RARS2: variants seen among roughly 807,000 people sequenced by gnomAD.
The protein encoded by RARS2 is arginyl-tRNA synthetase 2, mitochondrial.
In RARS2, 67 loss-of-function variants were observed where a neutral mutation model predicts 88.5. That is an observed-to-expected ratio of 0.76 (90% CI 0.62 to 0.93). The LOEUF is 0.93. Ranked by LOEUF, RARS2 falls within the 40% of genes least tolerant of loss-of-function variation. RARS2 has a pLI of 0.00. For synonymous variants in RARS2, 239 were observed against 230.3 expected (o/e 1.04, Z -0.34); for missense variants, 664 against 684.2 (o/e 0.97, Z 0.33).
At chr6:87,531,250 G>A (rs114798097) in intron 8 of RARS2, among the ~76,000 whole-genome samples, 263 of 152,226 alleles carry the variant, frequency 1.7e-3, no homozygotes, top group African/African-American at 6.1e-3. Flanking sequence ...CTCAATTTCC[G>A]AGAGAGGTCA....
chr6:87,550,969 T>C (rs913491739), intron 5 of RARS2, among the ~76,000 whole-genome samples: 4 of 152,116 alleles, frequency 2.6e-5, no homozygotes, highest in African/African-American at 9.7e-5. Context: ...TTTCATTAAA[T>C]ATCTCTTTGT....
intron 1 of RARS2, chr6:87,584,792 T>G (rs1168547087): frequency 2.2e-6 from 1 of 449,290 alleles, no homozygotes. Flanking sequence ...GATGAATCCT[T>G]GTGCAGTTAT....
intron 1 of RARS2, among the ~76,000 whole-genome samples, chr6:87,574,074 C>T (rs969490765): frequency 6.6e-6 from 1 of 152,190 alleles, no homozygotes; most frequent in Admixed American, 6.5e-5. Flanking sequence ...CTAAGAGATG[C>T]TGCCCAAGCT....
intron 17 of RARS2, among the ~76,000 whole-genome samples, chr6:87,517,598 T>C (rs940228078): frequency 6.6e-6 from 1 of 152,220 alleles, no homozygotes; most frequent in African/African-American, 2.4e-5. Flanking sequence ...CTGACTACTA[T>C]ATGGCAATCA....
At chr6:87,542,083 C>T (rs1582511149) in intron 7 of RARS2, 89 bp from the exon 8 acceptor site, 1 of 996,968 alleles carries the variant, frequency 1.0e-6, no homozygotes, top group South Asian at 1.3e-5. Flanking sequence ...TATAAAAAGA[C>T]CAACCTGTCA....
chr6:87,527,181 C>T (rs1017789436), intron 10 of RARS2, among the ~76,000 whole-genome samples: 11 of 151,846 alleles, frequency 7.2e-5, no homozygotes, highest in African/African-American at 2.4e-4. Context: ...TGGTGGCACG[C>T]GCTTGTAATC....
At chr6:87,531,156 T>C (rs761287187) in intron 8 of RARS2, among the ~76,000 whole-genome samples, 7 of 152,040 alleles carry the variant, frequency 4.6e-5, no homozygotes, top group Non-Finnish European at 8.8e-5. Context: ...TAAAATAAAA[T>C]ACACAGGGTT....
At chr6:87,570,914 G>GAC (rs1769478764) in intron 1 of RARS2, among the ~76,000 whole-genome samples, 1 of 152,140 alleles carries the variant, frequency 6.6e-6, no homozygotes, top group African/African-American at 2.4e-5. Flanking sequence ...AACAATCCCA[G>GAC]ACTTTCCTAC....
At chr6:87,528,050 T>G (rs1256790216) in intron 10 of RARS2, among the ~76,000 whole-genome samples, 1 of 137,766 alleles carries the variant, frequency 7.3e-6, no homozygotes, top group Admixed American at 7.8e-5. Context: ...TCCTGTACAT[T>G]TGCCTGGGAA....
rs757385477 is a variant in RARS2, at chr6:87,514,374, A to G, written c.*39T>C. The G allele has an allele frequency of 1.9e-5, 26 of 1,400,280 alleles. No homozygotes were observed. The Admixed American group carries it at 2.7e-4, about 14-fold the overall frequency. 86.7% of individuals were successfully genotyped at this position (1,400,280 alleles called of 1,614,324 possible). On this transcript the variant is annotated 3_prime_UTR_variant, in exon 20 of 20. Transcript: ENST00000369536. The stretch of plus-strand genomic sequence containing the variant: ...GCAAGGCATCTCAGAATAGATAACT[A>G]GAATTCACTTGACATTTTAAAAGCC...
intron 2 of RARS2, 175 bp from the exon 3 acceptor site, chr6:87,564,407 C>A: frequency 1.7e-6 from 1 of 605,678 alleles, no homozygotes. Flanking sequence ...TGCCTGTAAT[C>A]CCAGCACTTT....
Position 87,541,779 on chromosome 6 carries a change from G to C in RARS2, c.612+139C>G, listed in dbSNP as rs149901468. Reference sequence around the variant, plus strand: ...GCAGAGGTTGCAGTGAGCTGAGATTGCACCACTGCACTCCAGCCTGGGCAA... The same window carrying C: ...GCAGAGGTTGCAGTGAGCTGAGATTCCACCACTGCACTCCAGCCTGGGCAA... On this transcript the variant is annotated intron_variant, in intron 8 of 19. Coordinates refer to ENST00000369536, the MANE Select transcript of RARS2 (RefSeq NM_020320.5). 9.1e-4 allele frequency: 569 copies of C among 624,854 alleles called. 1 individual carries two copies. The highest frequency in any genetic ancestry group is 8.9e-3 in the African/African-American group (486 of 54,418). 38.7% of individuals were successfully genotyped at this position (624,854 alleles called of 1,614,324 possible).
chr6:87,540,461 A>AAC (rs1200726659), intron 8 of RARS2, among the ~76,000 whole-genome samples: 101 of 151,938 alleles, frequency 6.6e-4, no homozygotes, highest in African/African-American at 2.3e-3. Flanking sequence ...AAAAAAAAAA[A>AAC]AAAAAAAAAC....
chr6:87,546,200 C>G (rs886197547), intron 6 of RARS2, among the ~76,000 whole-genome samples: 1 of 152,198 alleles, frequency 6.6e-6, no homozygotes, highest in Non-Finnish European at 1.5e-5. Context: ...CTTTCCCATA[C>G]TGCTGATGCT....
intron 4 of RARS2, among the ~76,000 whole-genome samples, chr6:87,562,022 T>C (rs114089963): frequency 0.016 from 2,406 of 152,320 alleles, 60 homozygotes; most frequent in African/African-American, 0.053. Context: ...TGGAGTGCAA[T>C]AGCACAATCA....
chr6:87,576,434 G>T (rs1337623786), intron 1 of RARS2, among the ~76,000 whole-genome samples: 1 of 110,398 alleles, frequency 9.1e-6, no homozygotes, highest in African/African-American at 3.4e-5. Context: ...CCGCTACCAC[G>T]CCCGGCTAAT....
intron 18 of RARS2, among the ~76,000 whole-genome samples, chr6:87,516,332 C>T (rs1355416422): frequency 1.3e-5 from 2 of 152,200 alleles, no homozygotes; most frequent in Non-Finnish European, 2.9e-5. Flanking sequence ...AGTTTAAATG[C>T]CTCAGTACAT....
At chr6:87,548,531 GAACT>G in intron 6 of RARS2, 56 bp downstream of exon 6, 1 of 1,502,954 alleles carries the variant, frequency 6.7e-7, no homozygotes, top group South Asian at 1.2e-5. Context: ...ACATTAAATT[GAACT>G]ATCAAATACT....
chr6:87,566,782 G>A (rs1467041996), intron 2 of RARS2, among the ~76,000 whole-genome samples: 1 of 146,808 alleles, frequency 6.8e-6, no homozygotes, highest in Non-Finnish European at 1.5e-5. Flanking sequence ...GGAGCTTAAG[G>A]CTGCAGTAAG....
Sources: allele counts gnomAD v4.1 joint callset (sites outside exome capture counted in the v4.1 genomes callset), GRCh38; gene constraint gnomAD v4.1.1; transcripts MANE v1.5; gene names NCBI Gene and HGNC (gene_info 2026-07-23, HGNC 2026-07-21).